The following FBXO22 variants were observed in gnomAD, a reference collection of about 807,000 sequenced individuals.
The protein encoded by FBXO22 is F-box protein 22.
A neutral mutation model predicts 37.2 loss-of-function variants in FBXO22; 13 were observed. The ratio of observed to expected loss-of-function variants is 0.35; its 90% CI spans 0.23 to 0.56. The LOEUF (loss-of-function observed/expected upper bound fraction) is 0.56. Among genes scored for constraint, FBXO22 ranks in the 20% least tolerant of loss-of-function variants. The pLI, the probability that FBXO22 is intolerant of heterozygous loss-of-function variation, is 0.87. For synonymous variants in FBXO22, 189 were observed against 189.1 expected, an observed-to-expected ratio of 1.00 and a Z score of 0.00; for missense variants, 446 against 509.9, an observed-to-expected ratio of 0.87 and a Z score of 1.21.
intron 5 of FBXO22, among the ~76,000 whole-genome samples, chr15:75,918,879 A>G (rs931337132): frequency 1.6e-4 from 24 of 152,212 alleles, no homozygotes; most frequent in African/African-American, 5.8e-4. Flanking sequence ...TGGTCAAAAG[A>G]TACAAAATTC....
At chr15:75,911,123 A>T (rs1900042572) in intron 2 of FBXO22, among the ~76,000 whole-genome samples, 1 of 152,112 alleles carries the variant, frequency 6.6e-6, no homozygotes, top group Non-Finnish European at 1.5e-5. Flanking sequence ...ATTGGTCTGT[A>T]TATCTGTTTT....
intron 2 of FBXO22, among the ~76,000 whole-genome samples, chr15:75,905,299 A>G (rs1899903082): frequency 6.6e-6 from 1 of 152,154 alleles, no homozygotes; most frequent in Non-Finnish European, 1.5e-5. Flanking sequence ...TTAAAGCCAA[A>G]TATTTCAACT....
intron 1 of FBXO22, 166 bp from the exon 2 acceptor site, chr15:75,904,325 C>T (rs558143960): frequency 2.6e-6 from 3 of 1,153,182 alleles, no homozygotes; most frequent in African/African-American, 3.1e-5. Flanking sequence ...TTCTCCATAT[C>T]TGGCTCTTCT....
intron 2 of FBXO22, among the ~76,000 whole-genome samples, chr15:75,911,841 CA>C (rs1435723258): frequency 6.7e-6 from 1 of 149,324 alleles, no homozygotes; most frequent in Non-Finnish European, 1.5e-5. Flanking sequence ...TGTCTTGTGC[CA>C]GTTTTCAAAG....
chr15:75,916,328 T>C (rs1900187878), intron 4 of FBXO22, among the ~76,000 whole-genome samples: 1 of 152,172 alleles, frequency 6.6e-6, no homozygotes, highest in South Asian at 2.1e-4. Flanking sequence ...AACGGAAGCT[T>C]ATTTTCTCAC....
intron 5 of FBXO22, 101 bp downstream of exon 5, chr15:75,917,495 A>C (rs529164976): frequency 1.2e-6 from 1 of 848,020 alleles, no homozygotes. Context: ...CTTTGGGAGA[A>C]TCTGAATTAA....
chr15:75,904,259 C>T (rs1899867913), intron 1 of FBXO22, 156 bp downstream of exon 1: 2 of 1,198,188 alleles, frequency 1.7e-6, no homozygotes, highest in South Asian at 3.2e-5. Context: ...CGAGGTATCT[C>T]CCAGCCGTGG....
chr15:75,904,410 C>T, intron 1 of FBXO22, 81 bp from the exon 2 acceptor site: 2 of 1,590,858 alleles, frequency 1.3e-6, no homozygotes, highest in South Asian at 2.2e-5. Context: ...TGCTGCTGCG[C>T]CAGCGGGTGG....
rs1250321260 is a variant in FBXO22 at position 75,932,858 on chromosome 15, T to C, written c.968T>C (p.Met323Thr). Residue 323 changes from methionine to threonine, a missense_variant, in exon 7 of 7, where the codon ATG becomes ACG. By Grantham distance (81) the Met-to-Thr change is moderately conservative. Around this residue, in one of 2 missense-constraint regions of FBXO22, gnomAD observed 315 missense variants for 410.1 expected, o/e 0.77. Coordinates refer to ENST00000308275, the MANE Select transcript of FBXO22 (RefSeq NM_147188.3). ...NIPEHNTIGFMFACVGRGFQY... is the reference protein window; with the variant it reads ...NIPEHNTIGFTFACVGRGFQY... ...CCAGAGCATAACACCATTGGCTTCA[T>C]GTTTGCATGCGTTGGCAGGGGCTTT... The C allele has an allele frequency of 1.9e-6, 3 of 1,614,248 alleles. No individual in the cohort carries two copies. Among genetic ancestry groups the C allele is most frequent in the Non-Finnish European group, 2.5e-6 (3 of 1,180,042 alleles).
intron 2 of FBXO22, chr15:75,905,799 C>T (rs1899917605): frequency 6.6e-6 from 1 of 152,206 alleles, no homozygotes; most frequent in Admixed American, 6.5e-5. Context: ...GAAATAATCA[C>T]AGAAGTGATG....
rs2141747367 is a variant in FBXO22, at chr15:75,941,018, A to G, written c.*7916A>G. The G allele has an allele frequency of 6.6e-6, 1 of 152,278 alleles. No homozygotes were observed. The highest frequency in any genetic ancestry group is 1.9e-4 in the East Asian group (1 of 5,184). 9.4% of individuals were successfully genotyped at this position (152,278 alleles called of 1,614,324 possible). A position where few individuals can be genotyped will look rare whatever the true frequency, so the allele number is the denominator to read the frequency against. ...AAAAGATTACCTATGGAGTGGGAGG[A>G]AATAATATGCAGTTCACGTACCTAA... On this transcript the variant is annotated 3_prime_UTR_variant, in exon 7 of 7. Coordinates refer to ENST00000308275, the MANE Select transcript of FBXO22 (RefSeq NM_147188.3).
chr15:75,913,428 A>G, intron 3 of FBXO22, 138 bp downstream of exon 3: 2 of 558,554 alleles, frequency 3.6e-6, no homozygotes, highest in Non-Finnish European at 6.4e-6. Context: ...GCATCAATAT[A>G]TCTATCTTTG....
At chr15:75,921,513 A>G (rs947252211) in intron 5 of FBXO22, among the ~76,000 whole-genome samples, 3 of 152,122 alleles carry the variant, frequency 2.0e-5, no homozygotes, top group African/African-American at 7.2e-5. Flanking sequence ...AAATACAAAA[A>G]TTAGCTGGGC....
At chr15:75,922,934 C>T (rs1900358660) in intron 5 of FBXO22, among the ~76,000 whole-genome samples, 1 of 152,052 alleles carries the variant, frequency 6.6e-6, no homozygotes, top group African/African-American at 2.4e-5. Flanking sequence ...ACAGGAGGAG[C>T]GGGATTGGGA....
At position 75,939,278 on chromosome 15, in the gene FBXO22, A is replaced by T. The variant is rs1442649710; in HGVS notation, c.*6176A>T. Reference sequence around the variant, plus strand: ...GGAACAGCACTCTAGATTCTAGAAAAATGAAAAGGGTTATAGAAGAATACC... The same window carrying T: ...GGAACAGCACTCTAGATTCTAGAAATATGAAAAGGGTTATAGAAGAATACC... On this transcript the variant is annotated 3_prime_UTR_variant, in exon 7 of 7. Coordinates refer to ENST00000308275, the MANE Select transcript of FBXO22 (RefSeq NM_147188.3). 1 of 152,170 alleles carries T rather than the reference A, an allele frequency of 6.6e-6. No homozygotes were observed. Among genetic ancestry groups the T allele is most frequent in the Non-Finnish European group, 1.5e-5 (1 of 67,998 alleles). The allele number at this position is 152,170 out of a possible 1,614,324, so 9.4% of individuals were successfully genotyped here. A position where few individuals can be genotyped will look rare whatever the true frequency, so the allele number is the denominator to read the frequency against.
At chr15:75,929,772 C>T in intron 5 of FBXO22, 112 bp from the exon 6 acceptor site, 8 of 1,247,626 alleles carry the variant, frequency 6.4e-6, no homozygotes, top group Non-Finnish European at 9.0e-6. Flanking sequence ...GCTTAAGCCA[C>T]TAAATTGCCC....
At chr15:75,932,195 CAG>C (rs549183230) in intron 6 of FBXO22, among the ~76,000 whole-genome samples, 11 of 152,214 alleles carry the variant, frequency 7.2e-5, no homozygotes, top group Non-Finnish European at 1.0e-4. Flanking sequence ...GCCTAGCTAA[CAG>C]AGAACCCTAT....
rs1255024565 is a variant in FBXO22, at chr15:75,936,929, TAGCCAGTAA to T, written c.*3829_*3837del. ...AAAGTTTTTGCTATATAGTGACTGT[TAGCCAGTAA>T]AAACAGGGAAGATTGATTAATTTAG... On this transcript the variant is annotated 3_prime_UTR_variant, in exon 7 of 7. Coordinates refer to ENST00000308275, the MANE Select transcript of FBXO22 (RefSeq NM_147188.3). 6.6e-6 allele frequency: 1 copy of T among 152,094 alleles called. No individual in the cohort carries two copies. The highest frequency in any genetic ancestry group is 1.5e-5 in the Non-Finnish European group (1 of 68,036). The allele number at this position is 152,094 out of a possible 1,614,324, so 9.4% of individuals were successfully genotyped here.
At chr15:75,918,146 A>T (rs2141713695) in intron 5 of FBXO22, among the ~76,000 whole-genome samples, 1 of 152,274 alleles carries the variant, frequency 6.6e-6, no homozygotes, top group African/African-American at 2.4e-5. Context: ...GTAACACCTC[A>T]TTTTTGCATA....
Sources: gnomAD v4.1 joint callset for allele counts (sites outside exome capture counted in the v4.1 genomes callset) on GRCh38, gnomAD v4.1.1 for gene constraint, gnomAD v4.1.1 regional missense constraint, MANE v1.5 for transcripts, NCBI Gene and HGNC (gene_info 2026-07-23, HGNC 2026-07-21) for gene names.